Variants in GRM8 observed in about 807,000 individuals in gnomAD.
GRM8 encodes the protein glutamate metabotropic receptor 8, also known as metabotropic glutamate receptor 8.
GRM8 carries 47 observed loss-of-function variants against 87.2 expected under a neutral mutation model. The observed-to-expected ratio is 0.54, with a 90% confidence interval of 0.43 to 0.69. The LOEUF (loss-of-function observed/expected upper bound fraction) is 0.69. GRM8 is among the 30% of genes least tolerant of loss of function. The probability of loss-of-function intolerance (pLI) is 0.00; values close to 1 mark genes in which losing one functional copy is unlikely to be tolerated. For synonymous variants in GRM8, 396 were observed against 404.5 expected (o/e 0.98, Z 0.25); for missense variants, 1,019 against 1,139.2 (o/e 0.89, Z 1.52).
intron 3 of GRM8, among the ~76,000 whole-genome samples, chr7:127,057,666 C>A (rs573069068): frequency 3.3e-5 from 5 of 152,164 alleles, no homozygotes; most frequent in African/African-American, 1.2e-4. Context: ...ATATTAGTTA[C>A]AATGTAATTT....
At chr7:126,778,776 C>A (rs1170235117) in intron 6 of GRM8, among the ~76,000 whole-genome samples, 2 of 152,042 alleles carry the variant, frequency 1.3e-5, no homozygotes, top group East Asian at 3.9e-4. Flanking sequence ...ACCCCCACCC[C>A]CAATATGTTA....
intron 2 of GRM8, among the ~76,000 whole-genome samples, chr7:127,131,665 T>C (rs1827698939): frequency 1.3e-5 from 2 of 152,198 alleles, no homozygotes; most frequent in East Asian, 3.8e-4. Context: ...ATGACTTACA[T>C]ATTTTTAGGA....
chr7:126,962,227 A>G (rs1306439682), intron 3 of GRM8, among the ~76,000 whole-genome samples: 1 of 152,222 alleles, frequency 6.6e-6, no homozygotes, highest in African/African-American at 2.4e-5. Flanking sequence ...GGTAGGTATT[A>G]GGGTCAAGCA....
intron 7 of GRM8, among the ~76,000 whole-genome samples, chr7:126,758,543 A>C (rs891084556): frequency 4.6e-5 from 7 of 152,228 alleles, no homozygotes; most frequent in African/African-American, 1.7e-4. Context: ...GGAGAGAAAA[A>C]GAATTTTAAG....
intron 3 of GRM8, among the ~76,000 whole-genome samples, chr7:127,054,815 AC>A (rs1476379530): frequency 1.3e-5 from 2 of 152,220 alleles, no homozygotes; most frequent in Non-Finnish European, 2.9e-5. Flanking sequence ...ATGGTAGTGT[AC>A]AGATATGGGT....
intron 6 of GRM8, among the ~76,000 whole-genome samples, chr7:126,891,338 C>T (rs528097415): frequency 2.6e-5 from 4 of 152,060 alleles, no homozygotes; most frequent in Admixed American, 6.6e-5. Flanking sequence ...ATGGGTCTCC[C>T]TTCCTCCAGT....
intron 3 of GRM8, among the ~76,000 whole-genome samples, chr7:126,939,115 T>C (rs1328410045): frequency 6.6e-6 from 1 of 152,110 alleles, no homozygotes; most frequent in East Asian, 1.9e-4. Context: ...ATCTTAACCA[T>C]CATTGTTCTA....
chr7:126,753,204 A>G (rs1563153543), intron 7 of GRM8, among the ~76,000 whole-genome samples: 1 of 151,982 alleles, frequency 6.6e-6, no homozygotes, highest in Admixed American at 6.6e-5. Context: ...AGTGAAGCAT[A>G]TATCTAGTTC....
intron 9 of GRM8, among the ~76,000 whole-genome samples, chr7:126,448,547 T>A (rs1802271224): frequency 6.6e-6 from 1 of 151,948 alleles, no homozygotes; most frequent in South Asian, 2.1e-4. Flanking sequence ...GTTAAATAAA[T>A]TACCGCAGTC....
At chr7:126,707,451 G>A (rs1228875440) in intron 7 of GRM8, among the ~76,000 whole-genome samples, 1 of 152,126 alleles carries the variant, frequency 6.6e-6, no homozygotes, top group Admixed American at 6.6e-5. Flanking sequence ...TGTATGTGGG[G>A]AAGGGGGTGT....
chr7:127,041,340 G>A (rs1430948085), intron 3 of GRM8, among the ~76,000 whole-genome samples: 1 of 152,174 alleles, frequency 6.6e-6, no homozygotes. Flanking sequence ...TTTAGGCAGG[G>A]AAGGCTGAAA....
chr7:127,216,576 G>A (rs374768966), intron 2 of GRM8, among the ~76,000 whole-genome samples: 1 of 142,744 alleles, frequency 7.0e-6, no homozygotes, highest in African/African-American at 2.6e-5. Context: ...GTCTAAACTA[G>A]TGAGTCATCT....
In GRM8 at chr7:126,615,990, T is replaced by C. The variant is rs1484820596; in HGVS notation, c.1358-6492A>G. Among the ~76,000 whole-genome samples the C allele has an allele frequency of 5.9e-5, 9 of 151,946 alleles. No homozygotes were observed. In the East Asian group the frequency reaches 1.2e-3, roughly 20 times the overall value. On this transcript the variant is annotated intron_variant, in intron 7 of 10. Coordinates refer to ENST00000339582, the MANE Select transcript of GRM8 (RefSeq NM_000845.3). ...ACGAGACAGAAAGTTAACAAGGATA[T>C]CCAGGAATTGAACTCAGCTCTGCAC...
intron 7 of GRM8, 128 bp from the exon 8 acceptor site, chr7:126,609,626 C>A (rs1225716128): frequency 9.1e-6 from 6 of 659,450 alleles, no homozygotes; most frequent in Non-Finnish European, 1.5e-5. Context: ...GATTGCAATC[C>A]ATACAAGGTC....
chr7:127,009,988 A>C (rs183187779), intron 3 of GRM8, among the ~76,000 whole-genome samples: 93 of 152,084 alleles, frequency 6.1e-4, no homozygotes, highest in African/African-American at 2.1e-3. Flanking sequence ...GACTACAGGC[A>C]TGCACCACCA....
At chr7:126,527,982 G>T (rs181086307) in intron 9 of GRM8, among the ~76,000 whole-genome samples, 2 of 152,176 alleles carry the variant, frequency 1.3e-5, no homozygotes, top group Admixed American at 6.5e-5. Flanking sequence ...AAGGCGGGCG[G>T]ATCATGAGGT....
chr7:126,798,801 G>A (rs56061063), intron 6 of GRM8, among the ~76,000 whole-genome samples: 24,691 of 152,118 alleles, frequency 0.16, 2,794 homozygotes, highest in African/African-American at 0.33. Context: ...AGGTCAGAGA[G>A]CAGGAACCAT....
chr7:126,633,133 G>T (rs150960329), intron 7 of GRM8, among the ~76,000 whole-genome samples: 2 of 151,890 alleles, frequency 1.3e-5, no homozygotes, highest in Non-Finnish European at 2.9e-5. Flanking sequence ...AATACACATC[G>T]TATCAATGGC....
At chr7:126,550,805 A>C (rs893313090) in intron 8 of GRM8, among the ~76,000 whole-genome samples, 5 of 151,912 alleles carry the variant, frequency 3.3e-5, no homozygotes, top group Non-Finnish European at 2.9e-5. Context: ...AGAGGGAATA[A>C]TTAATAATAA....
Sources: gnomAD v4.1 joint callset for allele counts (sites outside exome capture counted in the v4.1 genomes callset) on GRCh38, gnomAD v4.1.1 for gene constraint, MANE v1.5 for transcripts, NCBI Gene and HGNC (gene_info 2026-07-23, HGNC 2026-07-21) for gene names.